The following GPR89A variants were observed in gnomAD, a reference collection of about 807,000 sequenced individuals.
GPR89A encodes the protein G protein-coupled receptor 89A.
A neutral mutation model predicts 52.0 loss-of-function variants in GPR89A; 16 were observed. The observed-to-expected ratio is 0.31, with a 90% CI of 0.21 to 0.47. The LOEUF (loss-of-function observed/expected upper bound fraction) is 0.47, where lower values mean the gene tolerates loss of function less well. Ranked by LOEUF, GPR89A falls within the 20% of genes least tolerant of loss-of-function variation. GPR89A has a pLI of 1.00. For synonymous variants in GPR89A, 55 were observed against 150.9 expected (o/e 0.36, Z 4.66); for missense variants, 135 against 449.4 (o/e 0.30, Z 6.33).
chr1:145,632,883 T>G (rs1649979072), intron 7 of GPR89A, among the ~76,000 whole-genome samples: 1 of 152,190 alleles, frequency 6.6e-6, no homozygotes, highest in Admixed American at 6.5e-5. Context: ...TAGGGTTTCC[T>G]TTTCTCAGCA....
intron 10 of GPR89A, among the ~76,000 whole-genome samples, chr1:145,657,111 T>C (rs1217420504): frequency 6.6e-6 from 1 of 151,132 alleles, no homozygotes; most frequent in Non-Finnish European, 1.5e-5. Context: ...ATGTTTGCAT[T>C]GTCTGAGCAT....
In GPR89A at chr1:145,646,727, A is replaced by C. The variant is rs138171073; in HGVS notation, c.817-448A>C. 3.5e-3 allele frequency: 771 copies of C among 220,908 alleles called. 7 individuals carry two copies. Among genetic ancestry groups the C allele is most frequent in the African/African-American group, 0.017 (718 of 42,624 alleles). 13.7% of individuals were successfully genotyped at this position (220,908 alleles called of 1,614,324 possible). Reference sequence around the variant, plus strand: ...TACACCTAAAATAAAATATAATTTAAATGTGCAAAATCTGTTAGTGAAGAT... The same window carrying C: ...TACACCTAAAATAAAATATAATTTACATGTGCAAAATCTGTTAGTGAAGAT... On this transcript the variant is annotated intron_variant, in intron 9 of 13. Transcript: ENST00000313835.
intron 7 of GPR89A, among the ~76,000 whole-genome samples, chr1:145,639,886 T>TAAAAAATGAATC (rs1553691453): frequency 6.6e-6 from 1 of 151,958 alleles, no homozygotes; most frequent in Non-Finnish European, 1.5e-5. Context: ...TCCATAGGTT[T>TAAAAAATGAATC]AAAAAATGAA....
intron 7 of GPR89A, among the ~76,000 whole-genome samples, chr1:145,634,159 A>G (rs587618612): frequency 2.5e-4 from 37 of 150,278 alleles, no homozygotes; most frequent in African/African-American, 8.3e-4. Flanking sequence ...AGCTCACTGC[A>G]GCCTCCACCT....
intron 7 of GPR89A, among the ~76,000 whole-genome samples, chr1:145,639,197 A>G (rs1324220600): frequency 6.6e-6 from 1 of 151,928 alleles, no homozygotes; most frequent in Non-Finnish European, 1.5e-5. Context: ...AATGATGTTA[A>G]TTCTCCCCAA....
At chr1:145,628,566 C>T (rs1553689320) in intron 5 of GPR89A, among the ~76,000 whole-genome samples, 2 of 151,760 alleles carry the variant, frequency 1.3e-5, no homozygotes, top group African/African-American at 4.8e-5. Flanking sequence ...TACTTAACCT[C>T]TCTGTGCCTC....
chr1:145,667,546 C>G (rs1405790556), intron 12 of GPR89A, among the ~76,000 whole-genome samples: 1 of 152,118 alleles, frequency 6.6e-6, no homozygotes, highest in Non-Finnish European at 1.5e-5. Flanking sequence ...ATGGTAGTTT[C>G]TTTTGCTGTG....
chr1:145,619,632 GATA>G (rs587684751), intron 3 of GPR89A, among the ~76,000 whole-genome samples: 42 of 152,074 alleles, frequency 2.8e-4, no homozygotes, highest in African/African-American at 9.4e-4. Context: ...AATCAGAGTT[GATA>G]ATAATGGTCT....
At chr1:145,668,087 G>GT (rs1652701570) in intron 12 of GPR89A, among the ~76,000 whole-genome samples, 1 of 152,178 alleles carries the variant, frequency 6.6e-6, no homozygotes, top group Non-Finnish European at 1.5e-5. Context: ...CTTTAGAGTA[G>GT]TTTTTTCCAA....
At chr1:145,636,803 C>A (rs1650267983) in intron 7 of GPR89A, among the ~76,000 whole-genome samples, 3 of 151,990 alleles carry the variant, frequency 2.0e-5, no homozygotes, top group Admixed American at 2.0e-4. Flanking sequence ...TTGAGAAGAG[C>A]ATCAGGTAAC....
At chr1:145,620,184 TC>T (rs1649042910) in intron 3 of GPR89A, among the ~76,000 whole-genome samples, 1 of 152,170 alleles carries the variant, frequency 6.6e-6, no homozygotes, top group Non-Finnish European at 1.5e-5. Flanking sequence ...CAGGCTTTCT[TC>T]TGTAAAGGGC....
intron 6 of GPR89A, among the ~76,000 whole-genome samples, chr1:145,631,376 TAAAATA>T (rs1649868980): frequency 1.4e-5 from 2 of 144,230 alleles, no homozygotes; most frequent in South Asian, 4.2e-4. Flanking sequence ...TAATAAAAAA[TAAAATA>T]AAAATATTTA....
intron 7 of GPR89A, among the ~76,000 whole-genome samples, chr1:145,640,950 T>C (rs1650617554): frequency 6.6e-6 from 1 of 151,258 alleles, no homozygotes; most frequent in Non-Finnish European, 1.5e-5. Context: ...CCATTAAAAC[T>C]ACATCGAGAT....
intron 10 of GPR89A, among the ~76,000 whole-genome samples, chr1:145,657,323 C>G (rs1381804743): frequency 2.0e-5 from 3 of 147,578 alleles, no homozygotes; most frequent in Non-Finnish European, 4.5e-5. Context: ...CCCAGAAGTC[C>G]AAGGCCTCAG....
chr1:145,641,017 C>A (rs1489494691), intron 7 of GPR89A, among the ~76,000 whole-genome samples: 1 of 151,550 alleles, frequency 6.6e-6, no homozygotes, highest in African/African-American at 2.4e-5. Context: ...ACACCAAATA[C>A]TAATAAGAAT....
chr1:145,619,318 A>AAAAAG (rs1553687629), intron 3 of GPR89A, among the ~76,000 whole-genome samples: 1 of 147,278 alleles, frequency 6.8e-6, no homozygotes, highest in Non-Finnish European at 1.5e-5. Flanking sequence ...AAAAAAAAAG[A>AAAAAG]AGAGAGAGGG....
intron 3 of GPR89A, among the ~76,000 whole-genome samples, chr1:145,621,063 C>G (rs1464592185): frequency 1.3e-5 from 2 of 152,068 alleles, no homozygotes; most frequent in African/African-American, 4.8e-5. Context: ...GTCAATGTAT[C>G]TAGTCTAAAT....
At position 145,669,684 on chromosome 1, in the gene GPR89A, G is replaced by A; in HGVS notation, c.1155G>A (p.Gln385=). The A allele has an allele frequency of 6.2e-7, 1 of 1,611,504 alleles. No individual in the cohort carries two copies. Among genetic ancestry groups the A allele is most frequent in the East Asian group, 2.2e-5 (1 of 44,874 alleles). Residue 385 remains glutamine, a synonymous_variant, in exon 13 of 14, where the codon CAG becomes CAA. Transcript: ENST00000313835. ...SSNVIVLLLA[Q]IMGMYFVSSV... ...ATGTCATTGTCCTGCTATTAGCACA[G>A]ATAATGGTAAGTTTAATTAGTTACC...
At chr1:145,641,281 A>G (rs1442128086) in intron 7 of GPR89A, among the ~76,000 whole-genome samples, 1 of 151,804 alleles carries the variant, frequency 6.6e-6, no homozygotes, top group Non-Finnish European at 1.5e-5. Context: ...CTAGTTATAT[A>G]TACATTTTTG....
Sources: allele counts gnomAD v4.1 joint callset (sites outside exome capture counted in the v4.1 genomes callset), GRCh38; gene constraint gnomAD v4.1.1; transcripts MANE v1.5; gene names NCBI Gene and HGNC (gene_info 2026-07-23, HGNC 2026-07-21).